ZMYND8: variants seen among roughly 807,000 people sequenced by gnomAD.
The protein encoded by ZMYND8 is zinc finger MYND-type containing 8, also known as MYND-type zinc finger-containing chromatin reader ZMYND8.
Under a neutral mutation model 140.8 loss-of-function variants are expected in ZMYND8, and 37 were observed. The observed-to-expected ratio is 0.26, with a 90% CI of 0.20 to 0.35. ZMYND8 has a LOEUF of 0.35. ZMYND8 is among the 10% of genes least tolerant of loss of function. The probability of loss-of-function intolerance (pLI) is 1.00; values close to 1 mark genes in which losing one functional copy is unlikely to be tolerated. For missense variants in ZMYND8, 1,068 were observed against 1,570.0 expected, an observed-to-expected ratio of 0.68 and a Z score of 5.40; for synonymous variants, 592 against 597.1, an observed-to-expected ratio of 0.99 and a Z score of 0.12.
chr20:47,275,562 G>A (rs1048390057), intron 11 of ZMYND8, among the ~76,000 whole-genome samples: 2 of 151,374 alleles, frequency 1.3e-5, no homozygotes, highest in East Asian at 3.9e-4. Context: ...ATCACACTGG[G>A]AAGACAGAGT....
chr20:47,313,490 C>G (rs568713247), intron 2 of ZMYND8, among the ~76,000 whole-genome samples: 2 of 151,778 alleles, frequency 1.3e-5, no homozygotes, highest in Non-Finnish European at 2.9e-5. Flanking sequence ...GGCGTGGTGG[C>G]GGGCGCCTGT....
chr20:47,218,887 T>C (rs1406447932), intron 21 of ZMYND8, among the ~76,000 whole-genome samples: 1 of 152,036 alleles, frequency 6.6e-6, no homozygotes, highest in Non-Finnish European at 1.5e-5. Flanking sequence ...TCTTCCTCCA[T>C]GCACTCAATA....
chr20:47,329,482 G>A (rs572813874), intron 2 of ZMYND8, among the ~76,000 whole-genome samples: 9 of 152,010 alleles, frequency 5.9e-5, no homozygotes, highest in East Asian at 1.9e-4. Flanking sequence ...TCAGCTCACC[G>A]CAACCTCCTC....
intron 17 of ZMYND8, among the ~76,000 whole-genome samples, chr20:47,228,147 C>T (rs1357927559): frequency 6.6e-6 from 1 of 151,578 alleles, no homozygotes; most frequent in South Asian, 2.1e-4. Flanking sequence ...GTTTAATTAT[C>T]GCAGTAGTTC....
chr20:47,267,997 A>G, intron 11 of ZMYND8, among the ~76,000 whole-genome samples: 1 of 152,152 alleles, frequency 6.6e-6, no homozygotes, highest in East Asian at 1.9e-4. Flanking sequence ...TTGACATGAA[A>G]ATATTGGCCC....
chr20:47,274,793 G>A (rs1294501072), intron 11 of ZMYND8, among the ~76,000 whole-genome samples: 1 of 152,144 alleles, frequency 6.6e-6, no homozygotes, highest in Non-Finnish European at 1.5e-5. Context: ...CATCTGGGGA[G>A]CAGCTAGAAG....
intron 2 of ZMYND8, among the ~76,000 whole-genome samples, chr20:47,327,461 C>T (rs1478337430): frequency 1.3e-5 from 2 of 151,892 alleles, no homozygotes; most frequent in East Asian, 3.9e-4. Context: ...TCAGAGCAGC[C>T]TGGCCAACAT....
intron 2 of ZMYND8, among the ~76,000 whole-genome samples, chr20:47,324,705 C>A (rs546376488): frequency 6.6e-6 from 1 of 152,178 alleles, no homozygotes; most frequent in East Asian, 1.9e-4. Flanking sequence ...GCTCCTTAGA[C>A]AAGCTCCTTC....
intron 14 of ZMYND8, among the ~76,000 whole-genome samples, chr20:47,244,305 T>C (rs1156677060): frequency 6.6e-6 from 1 of 152,236 alleles, no homozygotes; most frequent in African/African-American, 2.4e-5. Flanking sequence ...CATAAGGTTT[T>C]ATGGCTACAA....
intron 17 of ZMYND8, among the ~76,000 whole-genome samples, chr20:47,229,215 C>CTCA (rs2147054838): frequency 6.6e-6 from 1 of 151,692 alleles, no homozygotes; most frequent in East Asian, 1.9e-4. Flanking sequence ...AACTCCTGGC[C>CTCA]TCAAGCAATC....
rs1440251731 is a variant in ZMYND8 at position 47,234,080 on chromosome 20, G to A, written c.2856+2246C>T. Among the ~76,000 whole-genome samples, 3 of 152,226 alleles carry A rather than the reference G, an allele frequency of 2.0e-5. No homozygotes were observed. In the South Asian group the frequency reaches 6.2e-4, roughly 32 times the overall value. On this transcript the variant is annotated intron_variant, in intron 16 of 22. Coordinates refer to ENST00000471951, the MANE Select transcript of ZMYND8 (RefSeq NM_001281775.3). ...CATTGCTGGCTTTTGAGACAGTTTC[G>A]CTTTGTAGCCCAGGCTGGAGTGCAG...
chr20:47,254,312 G>A (rs1019041602), intron 12 of ZMYND8, among the ~76,000 whole-genome samples: 2 of 152,216 alleles, frequency 1.3e-5, no homozygotes. Context: ...GCAGTTGGGC[G>A]ATACCTCTCA....
intron 1 of ZMYND8, chr20:47,356,291 G>A: frequency 4.0e-6 from 5 of 1,250,314 alleles, no homozygotes; most frequent in Non-Finnish European, 5.2e-6. Context: ...GGGGGGAACT[G>A]CTCAGAGAGA....
intron 16 of ZMYND8, among the ~76,000 whole-genome samples, chr20:47,231,805 A>G (rs2038524762): frequency 6.6e-6 from 1 of 152,250 alleles, no homozygotes; most frequent in African/African-American, 2.4e-5. Context: ...ATGGCTTTAC[A>G]AGAAAACTTT....
Position 47,291,838 on chromosome 20 carries a change from C to G in ZMYND8, c.618G>C (p.Ala206=). 1 of 1,613,264 alleles carries G rather than the reference C, an allele frequency of 6.2e-7. No homozygotes were observed. Among genetic ancestry groups the G allele is most frequent in the Non-Finnish European group, 8.5e-7 (1 of 1,179,622 alleles). ...GGTCCATTGGATGGAAGATGTATTC[C>G]GCATAGTCAGGGTGCTGTTCCAATG... ...PVPLEQHPDY[A]EYIFHPMDLC... The change falls in exon 6 of 23, where the codon GCG becomes GCC. Residue 206 remains alanine (A), a synonymous_variant. Coordinates refer to ENST00000471951, the MANE Select transcript of ZMYND8 (RefSeq NM_001281775.3).
rs912621025 is a variant in ZMYND8 at position 47,343,520 on chromosome 20, A to G, written c.85+4336T>C. On this transcript the variant is annotated intron_variant, in intron 2 of 22. Transcript: ENST00000471951. ...AATACCCCATACAGAAGAATTCTAA[A>G]TTTTTTTTTTTGAGACACAGTGTCA... is the stretch of plus-strand genomic sequence containing the variant. 3.3e-5 allele frequency among the ~76,000 whole-genome samples: 5 copies of G among 149,698 alleles called. No homozygotes were observed. In the East Asian group the frequency reaches 7.8e-4, roughly 23 times the overall value.
intron 11 of ZMYND8, among the ~76,000 whole-genome samples, chr20:47,274,348 CA>C (rs1386139267): frequency 1.3e-5 from 2 of 152,216 alleles, no homozygotes; most frequent in Non-Finnish European, 2.9e-5. Context: ...AGCTGCATTA[CA>C]ATTTTCATAT....
intron 11 of ZMYND8, among the ~76,000 whole-genome samples, chr20:47,264,163 C>T (rs1170502880): frequency 6.6e-6 from 1 of 152,220 alleles, no homozygotes; most frequent in Non-Finnish European, 1.5e-5. Flanking sequence ...GCTGGGAATC[C>T]TTTTCCTCAT....
At chr20:47,327,990 A>G (rs563251289) in intron 2 of ZMYND8, among the ~76,000 whole-genome samples, 1 of 151,556 alleles carries the variant, frequency 6.6e-6, no homozygotes, top group African/African-American at 2.4e-5. Flanking sequence ...ATTTTTTTTT[A>G]TTTCAGAGAT....
Sources: allele counts gnomAD v4.1 joint callset (sites outside exome capture counted in the v4.1 genomes callset), GRCh38; gene constraint gnomAD v4.1.1; transcripts MANE v1.5; gene names NCBI Gene and HGNC (gene_info 2026-07-23, HGNC 2026-07-21).